NAA25: variants seen among roughly 807,000 people sequenced by gnomAD.
The protein encoded by NAA25 is N-alpha-acetyltransferase 25, NatB auxiliary subunit.
A neutral mutation model predicts 132.5 loss-of-function variants in NAA25; 30 were observed. The observed-to-expected ratio is 0.23, with a 90% CI of 0.17 to 0.31. NAA25 has a LOEUF of 0.31. Among genes scored for constraint, NAA25 ranks in the 10% least tolerant of loss-of-function variants. The pLI is 1.00. For missense variants in NAA25, 771 were observed against 1,150.4 expected (o/e 0.67, Z 4.77); for synonymous variants, 359 against 401.9 (o/e 0.89, Z 1.28).
At chr12:112,053,898 A>G (rs2078506032) in intron 14 of NAA25, among the ~76,000 whole-genome samples, 1 of 151,682 alleles carries the variant, frequency 6.6e-6, no homozygotes, top group Non-Finnish European at 1.5e-5. Context: ...AGGCTTTCTT[A>G]CACTCTGATG....
intron 23 of NAA25, 90 bp downstream of exon 23, chr12:112,033,143 T>A: frequency 7.2e-7 from 1 of 1,390,936 alleles, no homozygotes; most frequent in Non-Finnish European, 9.6e-7. Context: ...TAAATTGAAC[T>A]TTAACTTGTC....
chr12:112,051,181 T>G (rs2078459850), intron 15 of NAA25, among the ~76,000 whole-genome samples: 1 of 152,154 alleles, frequency 6.6e-6, no homozygotes, highest in Non-Finnish European at 1.5e-5. Flanking sequence ...CACTCAACAT[T>G]AAGGTCAAGC....
At position 112,068,999 on chromosome 12, in the gene NAA25, G is replaced by A; in HGVS notation, c.1037-7C>T. Reference sequence around the variant, plus strand: ...ATTAATTCTTCTGGATCACCTGGGGGACGGGGAACAAAATCACTTTATTAC... The same window carrying A: ...ATTAATTCTTCTGGATCACCTGGGGAACGGGGAACAAAATCACTTTATTAC... On this transcript the variant is annotated splice_polypyrimidine_tract_variant and splice_region_variant and intron_variant, in intron 10 of 23. Transcript: ENST00000261745. The A allele has an allele frequency of 4.7e-6, 7 of 1,504,476 alleles. No individual in the cohort carries two copies. The highest frequency in any genetic ancestry group is 6.4e-6 in the Non-Finnish European group (7 of 1,085,528). The allele number at this position is 1,504,476 out of a possible 1,614,324, so 93.2% of individuals were successfully genotyped here. A position where few individuals can be genotyped will look rare whatever the true frequency, so the allele number is the denominator to read the frequency against.
At chr12:112,079,626 G>A (rs1470901776) in intron 5 of NAA25, among the ~76,000 whole-genome samples, 2 of 151,084 alleles carry the variant, frequency 1.3e-5, no homozygotes, top group South Asian at 2.1e-4. Flanking sequence ...CCAGACATGC[G>A]GTAAAGCTAA....
At chr12:112,100,810 G>T (rs1361795791) in intron 1 of NAA25, among the ~76,000 whole-genome samples, 2 of 151,028 alleles carry the variant, frequency 1.3e-5, no homozygotes, top group Non-Finnish European at 3.0e-5. Context: ...TAGTGGAGAC[G>T]GGGTTTCACC....
intron 15 of NAA25, 146 bp downstream of exon 15, chr12:112,053,412 C>T (rs2078495663): frequency 4.9e-6 from 3 of 615,682 alleles, no homozygotes; most frequent in South Asian, 2.0e-5. Context: ...CCCTACCAGC[C>T]TTGGACAGTA....
Position 112,072,025 on chromosome 12 carries a change from A to T in NAA25, c.906T>A (p.Ala302=). 1 of 1,613,966 alleles carries T rather than the reference A, an allele frequency of 6.2e-7. No homozygotes were observed. The highest frequency in any genetic ancestry group is 8.5e-7 in the Non-Finnish European group (1 of 1,179,944). ...TTATCCGATCTTCTATAAACTTCACAGCTTTTTCTGCAGAATAATGTACTT... is the reference window on the plus strand; with the variant it reads ...TTATCCGATCTTCTATAAACTTCACTGCTTTTTCTGCAGAATAATGTACTT... ...EGEVHYSAEK[A]VKFIEDRITE... The change falls in exon 10 of 24, where the codon GCT becomes GCA. Residue 302 remains alanine, a synonymous_variant. Transcript: ENST00000261745.
chr12:112,083,872 A>G (rs1158999641), intron 4 of NAA25, among the ~76,000 whole-genome samples: 1 of 152,214 alleles, frequency 6.6e-6, no homozygotes. Context: ...CCAACTCTAC[A>G]AAAAATGAAT....
At chr12:112,053,179 A>G (rs1270765410) in intron 15 of NAA25, among the ~76,000 whole-genome samples, 1 of 152,252 alleles carries the variant, frequency 6.6e-6, no homozygotes, top group Non-Finnish European at 1.5e-5. Context: ...GTTAAATAAA[A>G]GTAACAGAGA....
intron 8 of NAA25, among the ~76,000 whole-genome samples, chr12:112,075,002 G>A (rs1322453718): frequency 6.6e-6 from 1 of 152,030 alleles, no homozygotes; most frequent in Non-Finnish European, 1.5e-5. Context: ...ACCAGGTCTA[G>A]AAAACTAATA....
chr12:112,064,069 TAAAAA>T (rs1185056196), intron 11 of NAA25: 1 of 151,260 alleles, frequency 6.6e-6, no homozygotes, highest in Non-Finnish European at 1.5e-5. Context: ...TTGATACAAA[TAAAAA>T]AAAATTAAAA....
At chr12:112,107,095 A>T (rs2079373589) in intron 1 of NAA25, among the ~76,000 whole-genome samples, 1 of 151,026 alleles carries the variant, frequency 6.6e-6, no homozygotes, top group Non-Finnish European at 1.5e-5. Context: ...TCCTGTCTCT[A>T]CTAAAAACAT....
chr12:112,103,418 T>C (rs898606007), intron 1 of NAA25, among the ~76,000 whole-genome samples: 2 of 152,228 alleles, frequency 1.3e-5, no homozygotes, highest in Non-Finnish European at 2.9e-5. Context: ...GGTTTTGGTA[T>C]GGCAGAGGTG....
At position 112,090,829 on chromosome 12, in the gene NAA25, C is replaced by T. The variant is rs770129145; in HGVS notation, c.180G>A (p.Lys60=). ...LKAIGLQRTG[K]QEEAFTLAQE... ...GTGCAAGAGTAAAGGCTTCCTCTTG[C>T]TTTCCAGTTCTCTGTAAACCAATTG... is the stretch of plus-strand genomic sequence containing the variant. Residue 60 remains lysine, a synonymous_variant, in exon 3 of 24, where the codon AAG becomes AAA. Transcript: ENST00000261745. 11 of 1,613,548 alleles carry T rather than the reference C, an allele frequency of 6.8e-6. 1 individual carries two copies. The South Asian group carries it at 1.2e-4, about 18-fold the overall frequency.
chr12:112,099,191 T>C (rs2079257251), intron 1 of NAA25, among the ~76,000 whole-genome samples: 4 of 152,084 alleles, frequency 2.6e-5, no homozygotes, highest in African/African-American at 9.7e-5. Flanking sequence ...GGTTTCACCA[T>C]GTTGGCCAGG....
intron 10 of NAA25, 62 bp from the exon 11 acceptor site, chr12:112,069,054 G>T: frequency 2.1e-6 from 2 of 960,834 alleles, no homozygotes; most frequent in South Asian, 3.0e-5. Flanking sequence ...CTATTTAAGT[G>T]AGAATTAATT....
rs186797257 is a variant in NAA25, at chr12:112,083,035, C to T, written c.403-1901G>A. Among the ~76,000 whole-genome samples, 15 of 152,100 alleles carry T rather than the reference C, an allele frequency of 9.9e-5. 1 individual carries two copies. In the East Asian group the frequency reaches 2.9e-3, roughly 29 times the overall value. ...TAAGGTATTAAAAAAGGAGCCTATA[C>T]AGAATAGAGAAGTGATATTTATAAA... On this transcript the variant is annotated intron_variant, in intron 4 of 23. Coordinates refer to ENST00000261745, the MANE Select transcript of NAA25 (RefSeq NM_024953.4).
In NAA25 at chr12:112,078,676, G is replaced by C. The variant is rs146093377; in HGVS notation, c.543C>G (p.Val181=). ...TMFLPLAERM[V]EKMVKEDKIE... ...TCTTGTCCTCTTTCACCATTTTTTCGACCATTCTCTCAGCAAGGGGCAGAA... is the reference window on the plus strand; with the variant it reads ...TCTTGTCCTCTTTCACCATTTTTTCCACCATTCTCTCAGCAAGGGGCAGAA... Residue 181 remains valine (V), a synonymous_variant, in exon 6 of 24, where the codon GTC becomes GTG. Transcript: ENST00000261745. 1.2e-5 allele frequency: 20 copies of C among 1,613,248 alleles called. No individual in the cohort carries two copies. Among genetic ancestry groups the C allele is most frequent in the Non-Finnish European group, 1.7e-5 (20 of 1,179,676 alleles).
At chr12:112,077,279 C>A (rs1315772196) in intron 7 of NAA25, among the ~76,000 whole-genome samples, 1 of 151,930 alleles carries the variant, frequency 6.6e-6, no homozygotes, top group Non-Finnish European at 1.5e-5. Flanking sequence ...TTGAAACCAG[C>A]CTGGCCAACA....
Sources: gnomAD v4.1 joint callset for allele counts (sites outside exome capture counted in the v4.1 genomes callset) on GRCh38, gnomAD v4.1.1 for gene constraint, MANE v1.5 for transcripts, NCBI Gene and HGNC (gene_info 2026-07-23, HGNC 2026-07-21) for gene names.